The following WDFY3 variants were observed in gnomAD, a reference collection of about 807,000 sequenced individuals.
WDFY3 encodes WD repeat and FYVE domain-containing protein 3.
Under a neutral mutation model 409.6 loss-of-function variants are expected in WDFY3, and 66 were observed. The ratio of observed to expected loss-of-function variants is 0.16; its 90% CI spans 0.13 to 0.20. WDFY3 has a LOEUF of 0.20. Ranked by LOEUF, WDFY3 falls within the 10% of genes least tolerant of loss-of-function variation. WDFY3 has a pLI of 1.00. For missense variants in WDFY3, 3,031 were observed against 4,298.1 expected (o/e 0.71, Z 8.24); for synonymous variants, 1,521 against 1,537.1 (o/e 0.99, Z 0.25).
intron 16 of WDFY3, among the ~76,000 whole-genome samples, chr4:84,802,879 A>C (rs910962016): frequency 2.6e-5 from 4 of 152,194 alleles, no homozygotes; most frequent in African/African-American, 9.6e-5. Context: ...GCTATATAAC[A>C]TTTTAATAAA....
At chr4:84,944,130 A>G (rs1488177703) in intron 1 of WDFY3, among the ~76,000 whole-genome samples, 3 of 152,236 alleles carry the variant, frequency 2.0e-5, no homozygotes, top group African/African-American at 7.2e-5. Context: ...TAAAACAAAC[A>G]ATAAGACTCT....
intron 7 of WDFY3, among the ~76,000 whole-genome samples, chr4:84,833,776 T>C (rs1264243256): frequency 6.6e-6 from 1 of 152,098 alleles, no homozygotes; most frequent in African/African-American, 2.4e-5. Context: ...GTAGCTGAAA[T>C]ATCACATTTT....
intron 1 of WDFY3, among the ~76,000 whole-genome samples, chr4:84,962,675 C>CTT (rs373118403): frequency 2.2e-5 from 3 of 136,212 alleles, no homozygotes; most frequent in Non-Finnish European, 4.8e-5. Flanking sequence ...GGAGCCATTT[C>CTT]TTTTTTTTTT....
intron 27 of WDFY3, 58 bp from the exon 28 acceptor site, chr4:84,775,196 A>C: frequency 7.4e-7 from 1 of 1,353,794 alleles, no homozygotes; most frequent in Non-Finnish European, 1.0e-6. Flanking sequence ...CAAATGCCAA[A>C]CCAACAAACA....
chr4:84,796,854 A>G (rs557787799), intron 18 of WDFY3, 102 bp from the exon 19 acceptor site: 2 of 975,278 alleles, frequency 2.1e-6, no homozygotes, highest in Admixed American at 2.6e-5. Flanking sequence ...TCAATAGACA[A>G]TAATTTTTTT....
intron 18 of WDFY3, among the ~76,000 whole-genome samples, chr4:84,797,052 CAGTT>C (rs1341355960): frequency 2.0e-5 from 3 of 152,052 alleles, no homozygotes; most frequent in Non-Finnish European, 4.4e-5. Context: ...TTATAAATCT[CAGTT>C]AATAGTTTAC....
chr4:84,840,897 T>C (rs1202469290), intron 6 of WDFY3, among the ~76,000 whole-genome samples: 1 of 152,100 alleles, frequency 6.6e-6, no homozygotes, highest in East Asian at 1.9e-4. Flanking sequence ...GGTTATGTCC[T>C]ATGTGTGTTA....
At chr4:84,777,508 C>G (rs1355488536) in intron 27 of WDFY3, among the ~76,000 whole-genome samples, 2 of 151,954 alleles carry the variant, frequency 1.3e-5, no homozygotes, top group Non-Finnish European at 2.9e-5. Flanking sequence ...CAGACAATAG[C>G]CAATGTTACT....
intron 24 of WDFY3, 134 bp downstream of exon 24, chr4:84,785,845 T>C (rs1369230353): frequency 8.8e-7 from 1 of 1,136,774 alleles, no homozygotes; most frequent in African/African-American, 1.6e-5. Flanking sequence ...GAAGTCAAAT[T>C]AACCAAACAT....
At chr4:84,906,691 T>C (rs1767085442) in intron 2 of WDFY3, among the ~76,000 whole-genome samples, 1 of 152,144 alleles carries the variant, frequency 6.6e-6, no homozygotes, top group Non-Finnish European at 1.5e-5. Context: ...CTATGGCTCA[T>C]GGGCTGCATA....
At chr4:84,807,615 T>A (rs778916299) in intron 15 of WDFY3, among the ~76,000 whole-genome samples, 4 of 152,220 alleles carry the variant, frequency 2.6e-5, no homozygotes, top group Admixed American at 1.3e-4. Flanking sequence ...ACAGGAAAAG[T>A]AATGAAGTAT....
At chr4:84,798,407 C>T (rs139303783) in intron 17 of WDFY3, among the ~76,000 whole-genome samples, 51 of 151,980 alleles carry the variant, frequency 3.4e-4, no homozygotes, top group East Asian at 2.1e-3. Context: ...AATTACAATA[C>T]AAAAAATGCA....
intron 32 of WDFY3, among the ~76,000 whole-genome samples, chr4:84,760,750 A>C (rs1742418930): frequency 6.8e-6 from 1 of 147,872 alleles, no homozygotes; most frequent in Non-Finnish European, 1.5e-5. Context: ...TCCTTTCAAA[A>C]AACCAGCTCC....
chr4:84,861,469 A>G (rs1189095744), intron 3 of WDFY3, among the ~76,000 whole-genome samples: 1 of 152,182 alleles, frequency 6.6e-6, no homozygotes, highest in African/African-American at 2.4e-5. Flanking sequence ...AAATATGCAA[A>G]TTGAATATAA....
chr4:84,820,861 C>G (rs1356091419), intron 11 of WDFY3, among the ~76,000 whole-genome samples: 2 of 152,040 alleles, frequency 1.3e-5, no homozygotes, highest in Admixed American at 6.6e-5. Context: ...TTCCTTTAAA[C>G]TCTCTCCAAT....
At chr4:84,881,286 C>T (rs1011904253) in intron 3 of WDFY3, among the ~76,000 whole-genome samples, 3 of 151,890 alleles carry the variant, frequency 2.0e-5, no homozygotes, top group South Asian at 2.1e-4. Context: ...TAGCAAATAA[C>T]GTATCTCCCT....
chr4:84,737,015 C>CA (rs1737562469), intron 41 of WDFY3, among the ~76,000 whole-genome samples, 169 bp downstream of exon 41: 1 of 145,532 alleles, frequency 6.9e-6, no homozygotes, highest in Non-Finnish European at 1.5e-5. Flanking sequence ...AAAAAAAAAT[C>CA]AAAGAGAACT....
rs959334161 is a variant in WDFY3 at position 84,755,113 on chromosome 4, G to A, written c.5559+153C>T. 4.6e-5 allele frequency among the ~76,000 whole-genome samples: 7 copies of A among 152,104 alleles called. No homozygotes were observed. In the South Asian group the frequency reaches 8.3e-4, roughly 18 times the overall value. Reference sequence around the variant, plus strand: ...TAACAACTACACAGTCTGTTCTTACGTTAGATATAATTTTGTCTAACATAA... The same window carrying A: ...TAACAACTACACAGTCTGTTCTTACATTAGATATAATTTTGTCTAACATAA... On this transcript the variant is annotated intron_variant, in intron 34 of 67. Transcript: ENST00000295888.
chr4:84,948,161 T>C lies in WDFY3; in HGVS notation c.-225-15798A>G, dbSNP rs910070231. 3.3e-5 allele frequency among the ~76,000 whole-genome samples: 5 copies of C among 152,330 alleles called. No individual in the cohort carries two copies. In the East Asian group the frequency reaches 9.6e-4, roughly 29 times the overall value. On this transcript the variant is annotated intron_variant, in intron 1 of 67. Transcript: ENST00000295888. ...ATCATGCATTTTCCTTGCTTCCTCT[T>C]ATCCAACTCAGAAAATAAATTCCTA...
Sources: allele counts gnomAD v4.1 joint callset (sites outside exome capture counted in the v4.1 genomes callset), GRCh38; gene constraint gnomAD v4.1.1; transcripts MANE v1.5; gene names NCBI Gene and HGNC (gene_info 2026-07-23, HGNC 2026-07-21).